NFU1: variants seen among roughly 807,000 people sequenced by gnomAD.
NFU1 encodes NFU1 iron-sulfur cluster scaffold.
A neutral mutation model predicts 32.2 loss-of-function variants in NFU1; 30 were observed. That is an observed-to-expected ratio of 0.93 (90% CI 0.70 to 1.26). NFU1 has a LOEUF of 1.26. Among genes scored for constraint, NFU1 ranks in the 50% most tolerant of loss-of-function variants. The pLI is 0.00. For synonymous variants in NFU1, 112 were observed against 104.6 expected, an observed-to-expected ratio of 1.07 and a Z score of -0.43; for missense variants, 306 against 306.6, an observed-to-expected ratio of 1.00 and a Z score of 0.02.
intron 3 of NFU1, among the ~76,000 whole-genome samples, chr2:69,423,129 A>C (rs1673300256): frequency 8.4e-6 from 1 of 119,162 alleles, no homozygotes. Flanking sequence ...GGTACACACC[A>C]TCACACTCAG....
chr2:69,432,293 G>A (rs1372025928), intron 1 of NFU1, among the ~76,000 whole-genome samples: 2 of 152,168 alleles, frequency 1.3e-5, no homozygotes, highest in Non-Finnish European at 2.9e-5. Context: ...AACAGAATTG[G>A]GCTGGGTGAG....
chr2:69,425,358 AT>A (rs61546880), intron 2 of NFU1, among the ~76,000 whole-genome samples: 94,409 of 142,840 alleles, frequency 0.66, 31,879 homozygotes, highest in African/African-American at 0.85. Context: ...TTTATTTTTA[AT>A]TTTTTTTTTT....
At chr2:69,437,523 C>G, upstream of NFU1, 1 of 1,443,538 alleles carries the variant, frequency 6.9e-7, no homozygotes, top group South Asian at 1.2e-5. Context: ...AGAGCCCACC[C>G]TACCGGCTGC....
chr2:69,432,209 G>T (rs1473909233), intron 1 of NFU1, among the ~76,000 whole-genome samples: 1 of 152,182 alleles, frequency 6.6e-6, no homozygotes, highest in African/African-American at 2.4e-5. Context: ...TTCAAAATCA[G>T]GTAGAGCTCA....
chr2:69,433,824 A>T (rs1402445497), intron 1 of NFU1, among the ~76,000 whole-genome samples: 1 of 152,034 alleles, frequency 6.6e-6, no homozygotes, highest in Non-Finnish European at 1.5e-5. Flanking sequence ...CCCATGCTGG[A>T]GTACAATGGT....
chr2:69,401,180 G>A (rs1672510600), intron 6 of NFU1, among the ~76,000 whole-genome samples: 1 of 152,086 alleles, frequency 6.6e-6, no homozygotes, highest in Non-Finnish European at 1.5e-5. Flanking sequence ...TTCACAAAGT[G>A]AACACACATT....
intron 5 of NFU1, among the ~76,000 whole-genome samples, chr2:69,412,856 T>TC (rs1672932250): frequency 3.2e-5 from 2 of 63,076 alleles, no homozygotes; most frequent in Non-Finnish European, 5.4e-5. Flanking sequence ...GGTCACTGTC[T>TC]CAAAAAAAAA....
Position 69,428,145 on chromosome 2 carries a change from C to T in NFU1, c.166+3757G>A, listed in dbSNP as rs181034800. On this transcript the variant is annotated intron_variant, in intron 2 of 7. Transcript: ENST00000410022. ...AATTAAAATTTATTCAGTGCCTGGC[C>T]GGGCGCAGTGGGTTATGCCTATAAT... is the stretch of plus-strand genomic sequence containing the variant. Among the ~76,000 whole-genome samples the T allele has an allele frequency of 2.9e-3, 446 of 152,208 alleles. 3 individuals carry two copies. Among genetic ancestry groups the T allele is most frequent in the African/African-American group, 8.4e-3 (351 of 41,542 alleles).
At chr2:69,399,876 ATTT>A (rs71397328) in intron 7 of NFU1, among the ~76,000 whole-genome samples, 19 of 145,776 alleles carry the variant, frequency 1.3e-4, no homozygotes, top group African/African-American at 1.3e-4. Flanking sequence ...AAGTTACTTC[ATTT>A]TTTTTTTTTT....
At chr2:69,401,071 A>G (rs1672507816) in intron 6 of NFU1, among the ~76,000 whole-genome samples, 1 of 152,208 alleles carries the variant, frequency 6.6e-6, no homozygotes, top group South Asian at 2.1e-4. Context: ...GAAAAGGGAG[A>G]CTGTCACATG....
At chr2:69,429,988 C>A in intron 2 of NFU1, 1 of 331,420 alleles carries the variant, frequency 3.0e-6, no homozygotes, top group Non-Finnish European at 6.0e-6. Flanking sequence ...AAGATCACAT[C>A]ACTGCACTTT....
intron 2 of NFU1, among the ~76,000 whole-genome samples, chr2:69,425,160 G>C (rs1239198177): frequency 3.3e-5 from 5 of 151,656 alleles, no homozygotes; most frequent in Admixed American, 6.6e-5. Flanking sequence ...TTACAGGTGT[G>C]AGCCACCGCG....
chr2:69,423,113 A>C (rs1018844263), intron 3 of NFU1, among the ~76,000 whole-genome samples: 1 of 150,506 alleles, frequency 6.6e-6, no homozygotes, highest in Non-Finnish European at 1.5e-5. Flanking sequence ...AGTAGCTGAG[A>C]CCAGAGGTAC....
rs1287419784 is a variant in NFU1 at position 69,396,239 on chromosome 2, GATT to G, written c.*4_*6del. 2 of 1,609,596 alleles carry G rather than the reference GATT, an allele frequency of 1.2e-6. No homozygotes were observed. The highest frequency in any genetic ancestry group is 1.7e-5 in the Admixed American group (1 of 59,952). The stretch of plus-strand genomic sequence containing the variant: ...GACTGTTATGCCCAAAGAAAATCCA[GATT>G]ATTTTAAGGTGAGTTTGCTTCTTTT... On this transcript the variant is annotated 3_prime_UTR_variant, in exon 8 of 8. Coordinates refer to ENST00000410022, the MANE Select transcript of NFU1 (RefSeq NM_001002755.4).
At chr2:69,417,895 AT>A (rs1326917406) in intron 4 of NFU1, among the ~76,000 whole-genome samples, 1 of 152,036 alleles carries the variant, frequency 6.6e-6, no homozygotes, top group African/African-American at 2.4e-5. Flanking sequence ...ATATAATCAC[AT>A]TTTTACCTAT....
chr2:69,428,426 CA>C (rs144340013), intron 2 of NFU1, among the ~76,000 whole-genome samples: 259 of 138,766 alleles, frequency 1.9e-3, no homozygotes, highest in Non-Finnish European at 2.6e-3. Context: ...GACTCTGTCT[CA>C]AAAAAAAAAA....
chr2:69,402,206 A>C (rs1440482760), intron 6 of NFU1, among the ~76,000 whole-genome samples: 1 of 152,058 alleles, frequency 6.6e-6, no homozygotes, highest in African/African-American at 2.4e-5. Flanking sequence ...CTATTTGATC[A>C]TCTTTTGCGA....
intron 7 of NFU1, among the ~76,000 whole-genome samples, chr2:69,396,652 C>T (rs79722254): frequency 1.4e-5 from 2 of 144,592 alleles, no homozygotes; most frequent in Non-Finnish European, 3.0e-5. Context: ...GACTCTGTCT[C>T]AAAAAAAAAA....
chr2:69,437,139 G>C (rs1440589729), intron 1 of NFU1: 9 of 976,828 alleles, frequency 9.2e-6, no homozygotes, highest in Admixed American at 5.9e-5. Context: ...CTCTGAGCCT[G>C]AGAGGAAGCT....
Sources: gnomAD v4.1 joint callset for allele counts (sites outside exome capture counted in the v4.1 genomes callset) on GRCh38, gnomAD v4.1.1 for gene constraint, MANE v1.5 for transcripts, NCBI Gene and HGNC (gene_info 2026-07-23, HGNC 2026-07-21) for gene names.